DNA2: variants seen among roughly 807,000 people sequenced by gnomAD.
The protein encoded by DNA2 is DNA replication helicase/nuclease 2.
A neutral mutation model predicts 119.1 loss-of-function variants in DNA2; 101 were observed. That is an observed-to-expected ratio of 0.85 (90% CI 0.72 to 1.00). The LOEUF (loss-of-function observed/expected upper bound fraction) is 1.00, where lower values mean the gene tolerates loss of function less well. Ranked by LOEUF, DNA2 falls within the 50% of genes least tolerant of loss-of-function variation. DNA2 has a pLI of 0.00. For missense variants in DNA2, 1,121 were observed against 1,255.5 expected (o/e 0.89, Z 1.62); for synonymous variants, 366 against 424.4 (o/e 0.86, Z 1.69).
chr10:68,436,446 A>G (rs948874137), intron 10 of DNA2, among the ~76,000 whole-genome samples: 4 of 152,144 alleles, frequency 2.6e-5, no homozygotes, highest in Admixed American at 6.6e-5. Context: ...TGACTGCGTA[A>G]TAGGAATGAG....
intron 8 of DNA2, among the ~76,000 whole-genome samples, chr10:68,444,198 T>C (rs2052007110): frequency 6.6e-6 from 1 of 151,732 alleles, no homozygotes; most frequent in South Asian, 2.1e-4. Flanking sequence ...GAGACCATCC[T>C]GGCCAACATG....
chr10:68,464,627 GTT>G (rs2052303189), intron 4 of DNA2, among the ~76,000 whole-genome samples: 1 of 151,378 alleles, frequency 6.6e-6, no homozygotes, highest in Non-Finnish European at 1.5e-5. Flanking sequence ...TAGGTCAGGA[GTT>G]CGAGACCAGC....
In DNA2 at chr10:68,431,893, C is replaced by T. The variant is rs369587693; in HGVS notation, c.1952G>A (p.Gly651Glu). The change falls in exon 13 of 21, where the codon GGG (glycine) becomes GAG (glutamate). Residue 651 changes from glycine to glutamate, a missense_variant. By Grantham distance (98) the Gly-to-Glu change is moderately conservative. Transcript: ENST00000358410. ...ACATATCGTAGTTGTTTTTCCTGTC[C>T]CAGGCATACCCACGATGAGTGTGTA... is the stretch of plus-strand genomic sequence containing the variant. ...KDYTLIVGMP[G>E]TGKTTTICTL... The T allele has an allele frequency of 1.2e-6, 2 of 1,613,470 alleles. No homozygotes were observed. The highest frequency in any genetic ancestry group is 1.7e-6 in the Non-Finnish European group (2 of 1,179,610).
chr10:68,435,796 T>C (rs538623670), intron 10 of DNA2, among the ~76,000 whole-genome samples: 1 of 152,216 alleles, frequency 6.6e-6, no homozygotes, highest in African/African-American at 2.4e-5. Context: ...GTAACTGAAA[T>C]GGGTATACTT....
At chr10:68,422,097 G>T in intron 17 of DNA2, 128 bp downstream of exon 17, 1 of 722,900 alleles carries the variant, frequency 1.4e-6, no homozygotes, top group Non-Finnish European at 2.2e-6. Flanking sequence ...ACAGGTGTGA[G>T]CCACCACGCC....
intron 17 of DNA2, among the ~76,000 whole-genome samples, chr10:68,421,273 C>G (rs1358478270): frequency 6.6e-6 from 1 of 151,782 alleles, no homozygotes; most frequent in African/African-American, 2.4e-5. Flanking sequence ...AAAAGGACAT[C>G]AATTTATTAT....
intron 5 of DNA2, among the ~76,000 whole-genome samples, chr10:68,451,672 G>T (rs10998178): frequency 0.14 from 20,650 of 151,864 alleles, 1,980 homozygotes; most frequent in African/African-American, 0.26. Flanking sequence ...TAATTCTAGT[G>T]GTTAGAATAG....
chr10:68,456,507 T>C (rs1316417867), intron 5 of DNA2, among the ~76,000 whole-genome samples: 1 of 152,002 alleles, frequency 6.6e-6, no homozygotes, highest in Non-Finnish European at 1.5e-5. Context: ...CTCTGCCTCC[T>C]AGTTCAAGCA....
rs778457720 is a variant in DNA2, at chr10:68,416,774, C to T, written c.3049G>A (p.Val1017Met). The change falls in exon 20 of 21, where the codon GTG becomes ATG. Residue 1017 changes from valine (V) to methionine (M), a missense_variant. By Grantham distance (21) the Val-to-Met change is conservative (BLOSUM62 1). Coordinates refer to ENST00000358410, the MANE Select transcript of DNA2 (RefSeq NM_001080449.3). Reference protein sequence around the residue: ...AKHKLILLGCVPSLNCYPPLE... With the variant: ...AKHKLILLGCMPSLNCYPPLE... ...GGAGGATAGCAATTTAGTGAGGGCA[C>T]ACACCCCAGAAGAATCAGTTTATGT... is the stretch of plus-strand genomic sequence containing the variant. 1.2e-6 allele frequency: 2 copies of T among 1,613,748 alleles called. No individual in the cohort carries two copies. The highest frequency in any genetic ancestry group is 2.2e-5 in the East Asian group (1 of 44,896).
At chr10:68,429,539 C>A (rs1480887357) in intron 14 of DNA2, among the ~76,000 whole-genome samples, 1 of 101,082 alleles carries the variant, frequency 9.9e-6, no homozygotes, top group Non-Finnish European at 2.2e-5. Context: ...AATAAAACTC[C>A]GTCTCAAAAA....
intron 4 of DNA2, among the ~76,000 whole-genome samples, chr10:68,465,419 A>C (rs933308140): frequency 6.6e-6 from 1 of 152,194 alleles, no homozygotes; most frequent in South Asian, 2.1e-4. Flanking sequence ...TTCTTTATAC[A>C]TTCTCTGAAA....
At chr10:68,465,912 G>C in intron 3 of DNA2, 100 bp from the exon 4 acceptor site, 11 of 1,103,010 alleles carry the variant, frequency 1.0e-5, no homozygotes, top group Non-Finnish European at 9.4e-6. Context: ...AAAATGCACT[G>C]GTAAGACAAA....
intron 18 of DNA2, 45 bp downstream of exon 18, chr10:68,419,758 T>C (rs776167018): frequency 1.4e-6 from 2 of 1,411,442 alleles, no homozygotes; most frequent in South Asian, 1.2e-5. Context: ...AACATTCTTT[T>C]ATTCTGCACT....
intron 4 of DNA2, among the ~76,000 whole-genome samples, chr10:68,460,365 T>G (rs1281653996): frequency 6.6e-6 from 1 of 151,768 alleles, no homozygotes; most frequent in Non-Finnish European, 1.5e-5. Flanking sequence ...CACCTTGGCC[T>G]CCCAAAGTGC....
At chr10:68,449,994 A>G in intron 6 of DNA2, 34 bp downstream of exon 6, 1 of 1,378,326 alleles carries the variant, frequency 7.3e-7, no homozygotes, top group South Asian at 1.3e-5. Context: ...AAAAAAAAGT[A>G]TAAAACAGAC....
chr10:68,421,358 C>T (rs1173056653), intron 17 of DNA2, among the ~76,000 whole-genome samples: 1 of 152,084 alleles, frequency 6.6e-6, no homozygotes, highest in Non-Finnish European at 1.5e-5. Flanking sequence ...TAGAATTATA[C>T]CCCTGAGTTC....
At chr10:68,428,698 C>A (rs2051775667) in intron 14 of DNA2, among the ~76,000 whole-genome samples, 1 of 152,170 alleles carries the variant, frequency 6.6e-6, no homozygotes. Context: ...GAGAATCAGG[C>A]TAAGTAAAAA....
At chr10:68,446,734 G>C (rs1268835225) in intron 6 of DNA2, among the ~76,000 whole-genome samples, 1 of 143,542 alleles carries the variant, frequency 7.0e-6, no homozygotes, top group African/African-American at 2.5e-5. Flanking sequence ...AGCAAAAAAA[G>C]CCAGACACAG....
chr10:68,422,042 T>C (rs995645745), intron 17 of DNA2, among the ~76,000 whole-genome samples, 183 bp downstream of exon 17: 1 of 152,150 alleles, frequency 6.6e-6, no homozygotes, highest in African/African-American at 2.4e-5. Flanking sequence ...CTTGAATTCC[T>C]GACCTTGTGA....
Sources: allele counts gnomAD v4.1 joint callset (sites outside exome capture counted in the v4.1 genomes callset), GRCh38; gene constraint gnomAD v4.1.1; transcripts MANE v1.5; gene names NCBI Gene and HGNC (gene_info 2026-07-23, HGNC 2026-07-21).